Variants in NCALD observed in about 807,000 individuals in gnomAD.
NCALD encodes the protein neurocalcin delta.
In NCALD, 10 loss-of-function variants were observed where a neutral mutation model predicts 18.6. That is an observed-to-expected ratio of 0.54 (90% CI 0.33 to 0.91). The LOEUF is 0.91. NCALD is among the 40% of genes least tolerant of loss of function. The probability of loss-of-function intolerance (pLI) is 0.03; values close to 1 mark genes in which losing one functional copy is unlikely to be tolerated. For missense variants in NCALD, 184 were observed against 247.6 expected, an observed-to-expected ratio of 0.74 and a Z score of 1.72; for synonymous variants, 88 against 87.4, an observed-to-expected ratio of 1.01 and a Z score of -0.04.
At chr8:101,848,517 A>G (rs1192425702) in intron 4 of NCALD, among the ~76,000 whole-genome samples, 1 of 152,164 alleles carries the variant, frequency 6.6e-6, no homozygotes, top group Non-Finnish European at 1.5e-5. Flanking sequence ...GTTTGATACT[A>G]ATTTTAGGGA....
chr8:101,855,499 C>T (rs1815277214), intron 4 of NCALD, among the ~76,000 whole-genome samples: 1 of 152,102 alleles, frequency 6.6e-6, no homozygotes, highest in Non-Finnish European at 1.5e-5. Context: ...TTCAATAAGC[C>T]ACTGAGATTT....
At chr8:101,926,598 A>T (rs1485236013) in intron 2 of NCALD, among the ~76,000 whole-genome samples, 1 of 152,220 alleles carries the variant, frequency 6.6e-6, no homozygotes, top group East Asian at 1.9e-4. Flanking sequence ...TAAGTTAAAT[A>T]ATATGTCCAA....
chr8:101,726,635 T>C (rs1184779403), intron 1 of NCALD, among the ~76,000 whole-genome samples: 1 of 152,192 alleles, frequency 6.6e-6, no homozygotes, highest in Non-Finnish European at 1.5e-5. Flanking sequence ...TATTTAGTTG[T>C]ATACGTGTTA....
intron 3 of NCALD, among the ~76,000 whole-genome samples, chr8:101,896,124 G>T (rs1326429280): frequency 6.6e-6 from 1 of 151,334 alleles, no homozygotes; most frequent in African/African-American, 2.5e-5. Flanking sequence ...ATACTACAAG[G>T]CTACAGTAAC....
At chr8:101,691,407 A>G in intron 3 of NCALD, 1 of 985,342 alleles carries the variant, frequency 1.0e-6, no homozygotes, top group Non-Finnish European at 1.2e-6. Context: ...CCCAGTGGAA[A>G]GACCCTAATT....
intron 1 of NCALD, among the ~76,000 whole-genome samples, chr8:102,051,559 C>A (rs191765922): frequency 6.6e-6 from 1 of 152,256 alleles, no homozygotes; most frequent in Admixed American, 6.5e-5. Context: ...CACAATAATT[C>A]TTTTCTTTCG....
At chr8:102,103,394 G>T (rs556291161) in intron 1 of NCALD, among the ~76,000 whole-genome samples, 3 of 152,004 alleles carry the variant, frequency 2.0e-5, no homozygotes, top group Non-Finnish European at 2.9e-5. Context: ...AGTCCATACC[G>T]CACAGTGTTA....
At chr8:101,981,064 C>T (rs187878826) in intron 2 of NCALD, among the ~76,000 whole-genome samples, 126 of 152,330 alleles carry the variant, frequency 8.3e-4, no homozygotes, top group South Asian at 1.7e-3. Context: ...ATTAAACAGT[C>T]ATTTAATTCT....
chr8:101,693,961 G>A (rs1021332723), intron 2 of NCALD: 2 of 152,054 alleles, frequency 1.3e-5, no homozygotes, highest in Non-Finnish European at 2.9e-5. Context: ...GATCTGATGG[G>A]CGAAAGAGGA....
intron 2 of NCALD, among the ~76,000 whole-genome samples, chr8:101,714,868 G>T (rs1368159971): frequency 1.3e-5 from 2 of 150,846 alleles, no homozygotes; most frequent in Non-Finnish European, 2.9e-5. Context: ...GCGGTGGCGG[G>T]CACCTGTAGT....
At chr8:101,859,455 C>G (rs1248758428) in intron 4 of NCALD, among the ~76,000 whole-genome samples, 1 of 152,088 alleles carries the variant, frequency 6.6e-6, no homozygotes, top group Non-Finnish European at 1.5e-5. Flanking sequence ...ATACATATAT[C>G]CTTTTAGTTC....
chr8:101,804,427 CTG>C (rs1322075557), intron 4 of NCALD, among the ~76,000 whole-genome samples: 25 of 126,396 alleles, frequency 2.0e-4, no homozygotes, highest in Admixed American at 1.3e-3. Flanking sequence ...CTATTTATAA[CTG>C]TAATATATAA....
intron 2 of NCALD, among the ~76,000 whole-genome samples, chr8:102,005,256 G>T (rs1156374753): frequency 1.3e-5 from 2 of 152,206 alleles, no homozygotes; most frequent in Non-Finnish European, 2.9e-5. Flanking sequence ...CATTTATGCA[G>T]CCAAAAGACA....
At chr8:101,791,961 G>A (rs768869006), upstream of NCALD, among the ~76,000 whole-genome samples, 12 of 152,036 alleles carry the variant, frequency 7.9e-5, no homozygotes, top group African/African-American at 2.4e-4. Context: ...CTCTGCACAC[G>A]TGCCTATTTC....
intron 4 of NCALD, among the ~76,000 whole-genome samples, chr8:101,802,442 G>A (rs1346983569): frequency 1.4e-4 from 21 of 152,030 alleles, no homozygotes. Flanking sequence ...GAAATGATTA[G>A]ACTTAGTGAG....
chr8:101,940,789 T>A (rs1818927552), intron 2 of NCALD, among the ~76,000 whole-genome samples: 1 of 151,938 alleles, frequency 6.6e-6, no homozygotes, highest in Non-Finnish European at 1.5e-5. Flanking sequence ...AAAAACAGAA[T>A]AAAAATGAGT....
chr8:101,924,930 C>T (rs955678027), intron 2 of NCALD, among the ~76,000 whole-genome samples: 6 of 152,058 alleles, frequency 3.9e-5, no homozygotes, highest in African/African-American at 9.7e-5. Flanking sequence ...TTGTTATTGC[C>T]GTTCTCCTGA....
intron 1 of NCALD, among the ~76,000 whole-genome samples, chr8:101,782,558 T>C (rs1378853073): frequency 6.6e-6 from 1 of 152,200 alleles, no homozygotes; most frequent in Non-Finnish European, 1.5e-5. Context: ...AGATCCTCCA[T>C]GGACCCACCA....
intron 4 of NCALD, among the ~76,000 whole-genome samples, chr8:101,822,013 G>A (rs1283553202): frequency 1.3e-5 from 2 of 152,010 alleles, no homozygotes; most frequent in Non-Finnish European, 2.9e-5. Flanking sequence ...AACTTTCCTC[G>A]AGACACTCCT....
Sources: gnomAD v4.1 joint callset for allele counts (sites outside exome capture counted in the v4.1 genomes callset) on GRCh38, gnomAD v4.1.1 for gene constraint, MANE v1.5 for transcripts, NCBI Gene and HGNC (gene_info 2026-07-23, HGNC 2026-07-21) for gene names.